MICU1: variants seen among roughly 807,000 people sequenced by gnomAD.
The protein encoded by MICU1 is calcium uptake protein 1, mitochondrial.
A neutral mutation model predicts 56.8 loss-of-function variants in MICU1; 45 were observed. The observed-to-expected ratio is 0.79, with a 90% CI of 0.62 to 1.02. MICU1 has a LOEUF of 1.02. Among genes scored for constraint, MICU1 ranks in the 50% least tolerant of loss-of-function variants. MICU1 has a pLI of 0.00. For missense variants in MICU1, 504 were observed against 587.1 expected (o/e 0.86, Z 1.46); for synonymous variants, 186 against 195.1 (o/e 0.95, Z 0.39).
chr10:72,406,584 C>A (rs1462989846), intron 10 of MICU1, among the ~76,000 whole-genome samples: 1 of 151,040 alleles, frequency 6.6e-6, no homozygotes, highest in Non-Finnish European at 1.5e-5. Flanking sequence ...TCAGGACTTT[C>A]ATATATGTTC....
At chr10:72,590,845 A>T (rs1311400298) in intron 1 of MICU1, among the ~76,000 whole-genome samples, 1 of 106,164 alleles carries the variant, frequency 9.4e-6, no homozygotes, top group Non-Finnish European at 2.8e-5. Context: ...ATAAATAAAA[A>T]TTAAAAAAAA....
intron 2 of MICU1, among the ~76,000 whole-genome samples, chr10:72,564,041 T>G (rs965888295): frequency 3.3e-5 from 5 of 152,180 alleles, no homozygotes; most frequent in Non-Finnish European, 5.9e-5. Flanking sequence ...TTTCTGGTAG[T>G]TGAAGCCATT....
chr10:72,371,152 G>A (rs111258601), intron 11 of MICU1, among the ~76,000 whole-genome samples: 1,935 of 147,514 alleles, frequency 0.013, 45 homozygotes, highest in African/African-American at 0.045. Context: ...TTGGGAGGCC[G>A]AGACGGGCGG....
chr10:72,372,993 G>T (rs545713071), intron 11 of MICU1, among the ~76,000 whole-genome samples: 1 of 151,986 alleles, frequency 6.6e-6, no homozygotes, highest in African/African-American at 2.4e-5. Context: ...ACTACTATGG[G>T]TTTACCTTCT....
At chr10:72,408,069 G>A (rs1337373450) in intron 9 of MICU1, 32 bp from the exon 10 acceptor site, 2 of 1,463,152 alleles carry the variant, frequency 1.4e-6, no homozygotes, top group African/African-American at 2.8e-5. Context: ...GGTAAGGCAG[G>A]ACCTGTAACA....
At position 72,510,789 on chromosome 10, in the gene MICU1, C is replaced by T. The variant is rs573168006; in HGVS notation, c.538-2520G>A. Among the ~76,000 whole-genome samples, 7 of 152,156 alleles carry T rather than the reference C, an allele frequency of 4.6e-5. No homozygotes were observed. In the South Asian group the frequency reaches 6.2e-4, roughly 14 times the overall value. Reference sequence around the variant, plus strand: ...CTGAGATTACAGATGCACACCACCACGCCCATCTAATTTTTGTATTTTTAG... The same window carrying T: ...CTGAGATTACAGATGCACACCACCATGCCCATCTAATTTTTGTATTTTTAG... On this transcript the variant is annotated intron_variant, in intron 5 of 11. Coordinates refer to ENST00000361114, the MANE Select transcript of MICU1 (RefSeq NM_001195518.2).
At chr10:72,540,610 G>C (rs1839750901) in intron 4 of MICU1, among the ~76,000 whole-genome samples, 2 of 152,100 alleles carry the variant, frequency 1.3e-5, no homozygotes, top group South Asian at 4.1e-4. Context: ...AGGAGTTCAA[G>C]GTTACATGAA....
chr10:72,448,041 T>G (rs1865159693), intron 8 of MICU1, among the ~76,000 whole-genome samples: 1 of 151,412 alleles, frequency 6.6e-6, no homozygotes, highest in African/African-American at 2.4e-5. Context: ...TATCATCCAT[T>G]TTAATTCTCA....
At chr10:72,415,876 T>C (rs1863966811) in intron 9 of MICU1, among the ~76,000 whole-genome samples, 2 of 152,206 alleles carry the variant, frequency 1.3e-5, no homozygotes. Context: ...TGAACCCTGG[T>C]GCCGCCTTCC....
At chr10:72,388,894 T>C (rs901725027) in intron 10 of MICU1, among the ~76,000 whole-genome samples, 2 of 152,268 alleles carry the variant, frequency 1.3e-5, no homozygotes, top group East Asian at 3.8e-4. Flanking sequence ...GCTTGAATCC[T>C]GGCTTTTCCA....
intron 4 of MICU1, among the ~76,000 whole-genome samples, chr10:72,544,210 C>T (rs1276645113): frequency 6.6e-6 from 1 of 151,704 alleles, no homozygotes; most frequent in Non-Finnish European, 1.5e-5. Context: ...TCACACAGAC[C>T]CCCTTAGAGT....
intron 6 of MICU1, among the ~76,000 whole-genome samples, chr10:72,482,017 T>G (rs752660710): frequency 3.7e-4 from 56 of 152,198 alleles, no homozygotes; most frequent in Non-Finnish European, 7.1e-4. Flanking sequence ...TCTACACTGT[T>G]TCCTGAAGCA....
At chr10:72,467,108 T>C (rs1402119713) in intron 8 of MICU1, among the ~76,000 whole-genome samples, 2 of 152,158 alleles carry the variant, frequency 1.3e-5, no homozygotes, top group South Asian at 4.2e-4. Flanking sequence ...AGGCGATTCT[T>C]GTGCCTCAGC....
intron 4 of MICU1, among the ~76,000 whole-genome samples, chr10:72,540,522 T>A (rs1160045323): frequency 6.6e-6 from 1 of 151,664 alleles, no homozygotes; most frequent in African/African-American, 2.4e-5. Context: ...AAAAAAAAAA[T>A]TTAATTAGCT....
intron 1 of MICU1, among the ~76,000 whole-genome samples, chr10:72,595,999 T>A (rs1389673807): frequency 2.6e-5 from 4 of 151,436 alleles, no homozygotes; most frequent in Non-Finnish European, 5.9e-5. Flanking sequence ...TTTTTTTTTT[T>A]TTTTGAGACA....
intron 8 of MICU1, among the ~76,000 whole-genome samples, chr10:72,435,913 C>A (rs1864699959): frequency 6.6e-6 from 1 of 152,268 alleles, no homozygotes; most frequent in Non-Finnish European, 1.5e-5. Flanking sequence ...AAGCCCACCC[C>A]AGCTCAACAA....
intron 1 of MICU1, among the ~76,000 whole-genome samples, chr10:72,571,668 G>A (rs1027189234): frequency 9.9e-5 from 15 of 152,210 alleles, no homozygotes; most frequent in Admixed American, 4.6e-4. Context: ...AAAGTGATGA[G>A]TACAGCCAGA....
At chr10:72,551,035 T>A in intron 4 of MICU1, 144 bp downstream of exon 4, 2 of 826,568 alleles carry the variant, frequency 2.4e-6, no homozygotes, top group Non-Finnish European at 3.5e-6. Context: ...TCCTAAAGCC[T>A]AGCACAATGC....
intron 1 of MICU1, among the ~76,000 whole-genome samples, chr10:72,624,743 A>G (rs777645913): frequency 2.6e-5 from 4 of 152,210 alleles, no homozygotes; most frequent in African/African-American, 4.8e-5. Context: ...TGCTTGATAT[A>G]TTAGGTAGCC....
Sources: allele counts gnomAD v4.1 joint callset (sites outside exome capture counted in the v4.1 genomes callset), GRCh38; gene constraint gnomAD v4.1.1; transcripts MANE v1.5; gene names NCBI Gene and HGNC (gene_info 2026-07-23, HGNC 2026-07-21).